IGSF11: variants seen among roughly 807,000 people sequenced by gnomAD.
IGSF11 encodes CXADR like 1.
In IGSF11, 22 loss-of-function variants were observed where a neutral mutation model predicts 41.0. That is an observed-to-expected ratio of 0.54 (90% confidence interval 0.38 to 0.77). The LOEUF (loss-of-function observed/expected upper bound fraction) is 0.77. Among genes scored for constraint, IGSF11 ranks in the 30% least tolerant of loss-of-function variants. The pLI is 0.00. For missense variants in IGSF11, 444 were observed against 530.8 expected (o/e 0.84, Z 1.61); for synonymous variants, 219 against 201.3 (o/e 1.09, Z -0.74).
In IGSF11 at chr3:119,086,967, T is replaced by A. The variant is rs570170833; in HGVS notation, c.49+18177A>T. Among the ~76,000 whole-genome samples the A allele has an allele frequency of 1.3e-3, 200 of 152,180 alleles. 1 individual carries two copies. The highest frequency in any genetic ancestry group is 4.6e-3 in the African/African-American group (190 of 41,510). On this transcript the variant is annotated intron_variant, in intron 1 of 6. Coordinates refer to the IGSF11 transcript ENST00000354673. ...TAAAGGACAAAAGTGGCAGACTGAA[T>A]AAAAAGACAAGACTCAACTATCTGT...
At chr3:118,985,358 AT>A (rs1272981362) in intron 1 of IGSF11, among the ~76,000 whole-genome samples, 1 of 152,164 alleles carries the variant, frequency 6.6e-6, no homozygotes, top group African/African-American at 2.4e-5. Context: ...CATTTGTGAC[AT>A]ATTCTAAATT....
At chr3:118,904,942 G>T (rs909272357) in intron 5 of IGSF11, 144 bp from the exon 6 acceptor site, 1 of 648,780 alleles carries the variant, frequency 1.5e-6, no homozygotes, top group Non-Finnish European at 2.5e-6. Flanking sequence ...TCTATATAAA[G>T]TTAAACCTCA....
rs556555353 is a variant in IGSF11, at chr3:119,115,854, G to A, written c.-13-10649C>T. 8.0e-3 allele frequency among the ~76,000 whole-genome samples: 1,221 copies of A among 152,228 alleles called. 13 individuals carry two copies. Among genetic ancestry groups the A allele is most frequent in the African/African-American group, 0.027 (1,136 of 41,546 alleles). On this transcript the variant is annotated intron_variant, in intron 1 of 7. Transcript: ENST00000425327. ...TAAAAAAATTAGTGGTTTACCATTT[G>A]GTGTCTGCTGATTCCCTCAAAAATT...
At chr3:119,106,033 G>C (rs2077017124), upstream of IGSF11, among the ~76,000 whole-genome samples, 1 of 151,992 alleles carries the variant, frequency 6.6e-6, no homozygotes, top group African/African-American at 2.4e-5. Context: ...TAGAGCAAAG[G>C]GATCACACAT....
At chr3:118,943,607 G>T (rs1943882976) in intron 1 of IGSF11, among the ~76,000 whole-genome samples, 1 of 152,178 alleles carries the variant, frequency 6.6e-6, no homozygotes, top group Non-Finnish European at 1.5e-5. Flanking sequence ...CTTTCTAAAG[G>T]ACTTCTGAAA....
intron 1 of IGSF11, among the ~76,000 whole-genome samples, chr3:118,969,983 C>G (rs1010733544): frequency 7.0e-6 from 1 of 143,868 alleles, no homozygotes; most frequent in East Asian, 1.9e-4. Context: ...TCTGCGCATA[C>G]AGGTATCTCC....
intron 1 of IGSF11, among the ~76,000 whole-genome samples, chr3:118,946,202 A>ATG (rs1944119895): frequency 6.8e-6 from 1 of 146,694 alleles, no homozygotes; most frequent in South Asian, 2.1e-4. Flanking sequence ...ACACACACAC[A>ATG]CGCACACACA....
intron 1 of IGSF11, among the ~76,000 whole-genome samples, chr3:118,965,622 C>T (rs1210744541): frequency 6.6e-6 from 1 of 151,704 alleles, no homozygotes; most frequent in Non-Finnish European, 1.5e-5. Flanking sequence ...CTAAATCTAA[C>T]AAATATATGT....
chr3:119,008,723 TA>T (rs1288241788), intron 1 of IGSF11, among the ~76,000 whole-genome samples: 1 of 152,202 alleles, frequency 6.6e-6, no homozygotes, highest in Non-Finnish European at 1.5e-5. Context: ...GGCTATGAGG[TA>T]CCCAGATATT....
At position 119,112,312 on chromosome 3, in the gene IGSF11, C is replaced by A. The variant is rs572799244; in HGVS notation, c.-13-7107G>T. 5.5e-3 allele frequency among the ~76,000 whole-genome samples: 844 copies of A among 152,274 alleles called. 4 individuals are homozygous for A. The highest frequency in any genetic ancestry group is 8.6e-3 in the Non-Finnish European group (582 of 68,016). On this transcript the variant is annotated intron_variant, in intron 1 of 7. Coordinates refer to the IGSF11 transcript ENST00000425327. ...CCTGGGCAATGGTGGGCGCCCCTCC[C>A]CCAGCCTCTCTGCCACCTTGCAGTT...
upstream of IGSF11, among the ~76,000 whole-genome samples, chr3:119,036,303 A>G (rs1940898941): frequency 6.6e-6 from 1 of 152,196 alleles, no homozygotes; most frequent in Admixed American, 6.5e-5. Context: ...ATTTCCAACT[A>G]TGATATCACG....
chr3:119,087,351 C>T lies in IGSF11; in HGVS notation c.49+17793G>A, dbSNP rs1380936332. 3.3e-5 allele frequency among the ~76,000 whole-genome samples: 5 copies of T among 149,920 alleles called. No individual in the cohort carries two copies. In the Admixed American group the frequency reaches 3.3e-4, roughly 10 times the overall value. ...GCCCAAATGCCCACCAATTAATCAA[C>T]AAGTGAATAAAGAAAATGTTATACA... On this transcript the variant is annotated intron_variant, in intron 1 of 6. Coordinates refer to the IGSF11 transcript ENST00000354673.
intron 1 of IGSF11, among the ~76,000 whole-genome samples, chr3:119,132,921 A>G (rs1415512535): frequency 1.3e-5 from 2 of 152,194 alleles, no homozygotes; most frequent in Non-Finnish European, 2.9e-5. Flanking sequence ...CTCACTCAAA[A>G]CCACACAACT....
upstream of IGSF11, among the ~76,000 whole-genome samples, chr3:119,109,839 C>T (rs1336388454): frequency 3.3e-5 from 5 of 152,108 alleles, no homozygotes; most frequent in Admixed American, 6.6e-5. Flanking sequence ...GCCTTCCCTT[C>T]GTTATGTACC....
At chr3:118,911,879 T>C (rs1001653090) in intron 4 of IGSF11, among the ~76,000 whole-genome samples, 1 of 152,010 alleles carries the variant, frequency 6.6e-6, no homozygotes, top group Non-Finnish European at 1.5e-5. Flanking sequence ...AGTGGGACCA[T>C]GGTGATATTT....
intron 1 of IGSF11, among the ~76,000 whole-genome samples, chr3:119,064,795 G>A (rs1217103340): frequency 6.6e-6 from 1 of 151,826 alleles, no homozygotes; most frequent in African/African-American, 2.4e-5. Context: ...AAATAGTATT[G>A]TTTTTCAAAT....
intron 4 of IGSF11, among the ~76,000 whole-genome samples, chr3:118,913,807 A>T (rs577866297): frequency 4.4e-4 from 67 of 152,330 alleles, no homozygotes; most frequent in South Asian, 2.1e-3. Context: ...ATTAATAAGG[A>T]GAAAAGTTAA....
intron 1 of IGSF11, among the ~76,000 whole-genome samples, chr3:119,073,568 C>A (rs965616685): frequency 1.3e-5 from 2 of 152,292 alleles, no homozygotes; most frequent in East Asian, 1.9e-4. Context: ...AGCTGAGGCC[C>A]GGTGAAAATT....
intron 1 of IGSF11, among the ~76,000 whole-genome samples, chr3:119,111,990 A>C (rs1157636456): frequency 2.6e-5 from 4 of 152,182 alleles, no homozygotes; most frequent in Non-Finnish European, 4.4e-5. Context: ...GTGAGGTGTC[A>C]GTCTGCCCCC....
Sources: allele counts gnomAD v4.1 joint callset (sites outside exome capture counted in the v4.1 genomes callset), GRCh38; gene constraint gnomAD v4.1.1; transcripts MANE v1.5; gene names NCBI Gene and HGNC (gene_info 2026-07-23, HGNC 2026-07-21).